The following KIF5B variants were observed in gnomAD, a reference collection of about 807,000 sequenced individuals.
KIF5B encodes kinesin family member 5B, also known as kinesin-1 heavy chain.
In KIF5B, 49 loss-of-function variants were observed where a neutral mutation model predicts 132.8. The observed-to-expected ratio is 0.37, with a 90% confidence interval of 0.29 to 0.47. The LOEUF (loss-of-function observed/expected upper bound fraction) is 0.47. Ranked by LOEUF, KIF5B falls within the 20% of genes least tolerant of loss-of-function variation. KIF5B has a pLI of 1.00. For missense variants in KIF5B, 780 were observed against 1,144.0 expected (o/e 0.68, Z 4.59); for synonymous variants, 355 against 369.4 (o/e 0.96, Z 0.45).
Position 32,056,222 on chromosome 10 carries a change from A to C in KIF5B, c.-249T>G. 1 of 472,346 alleles carries C rather than the reference A, an allele frequency of 2.1e-6. No individual in the cohort carries two copies. 29.3% of individuals were successfully genotyped at this position (472,346 alleles called of 1,614,324 possible). ...CCATGGCGGCGGCAGCGGCGGCGGC[A>C]CCGGGGAGAGCGTCCGCGGCTCCTC... On this transcript the variant is annotated 5_prime_UTR_variant, in exon 1 of 26. Coordinates refer to ENST00000302418, the MANE Select transcript of KIF5B (RefSeq NM_004521.3).
In KIF5B at chr10:32,009,907, G is replaced by A. The variant is rs1841051088; in HGVS notation, c.*1630C>T. Reference sequence around the variant, plus strand: ...AAGCAACACAATCATTTTAGAGGTTGCAGACTACAACAGCAAAGATTTTTG... The same window carrying A: ...AAGCAACACAATCATTTTAGAGGTTACAGACTACAACAGCAAAGATTTTTG... On this transcript the variant is annotated 3_prime_UTR_variant, in exon 26 of 26. Coordinates refer to ENST00000302418, the MANE Select transcript of KIF5B (RefSeq NM_004521.3). 1 of 151,826 alleles carries A rather than the reference G, an allele frequency of 6.6e-6. No homozygotes were observed. The highest frequency in any genetic ancestry group is 6.6e-5 in the Admixed American group (1 of 15,250). 9.4% of individuals were successfully genotyped at this position (151,826 alleles called of 1,614,324 possible). A position where few individuals can be genotyped will look rare whatever the true frequency, so the allele number is the denominator to read the frequency against.
intron 1 of KIF5B, among the ~76,000 whole-genome samples, chr10:32,055,256 C>T (rs185569988): frequency 6.6e-6 from 1 of 151,574 alleles, no homozygotes; most frequent in Non-Finnish European, 1.5e-5. Flanking sequence ...CATGAAAAGT[C>T]TTTCATCACT....
In KIF5B at chr10:32,035,580, A is replaced by T; in HGVS notation, c.904T>A (p.Cys302Ser). 6.2e-7 allele frequency: 1 copy of T among 1,613,412 alleles called. No individual in the cohort carries two copies. Among genetic ancestry groups the T allele is most frequent in the Non-Finnish European group, 8.5e-7 (1 of 1,179,506 alleles). The stretch of plus-strand genomic sequence containing the variant: ...GACTCATTGTATGATGATGGAGAGC[A>T]GCAAATTACAATAGTGGTTCTACAG... ...GNCRTTIVIC[C>S]SPSSYNESET... The change falls in exon 10 of 26, where the codon TGC becomes AGC. Residue 302 changes from cysteine to serine, a missense_variant. Transcript: ENST00000302418.
At chr10:32,050,679 C>G (rs920278299) in intron 1 of KIF5B, among the ~76,000 whole-genome samples, 1 of 152,206 alleles carries the variant, frequency 6.6e-6, no homozygotes, top group Admixed American at 6.5e-5. Context: ...ATACAAGAAG[C>G]TGATCTCACT....
intron 8 of KIF5B, among the ~76,000 whole-genome samples, chr10:32,036,998 C>T (rs1274117712): frequency 6.6e-6 from 1 of 152,134 alleles, no homozygotes; most frequent in Non-Finnish European, 1.5e-5. Flanking sequence ...TATGCTGAAC[C>T]AGTTCTCACT....
At chr10:32,017,653 A>G (rs1841194283) in intron 23 of KIF5B, among the ~76,000 whole-genome samples, 1 of 152,164 alleles carries the variant, frequency 6.6e-6, no homozygotes, top group African/African-American at 2.4e-5. Context: ...TCAGTAAGAC[A>G]ACTAATCTGG....
intron 13 of KIF5B, 113 bp from the exon 14 acceptor site, chr10:32,031,392 G>T: frequency 1.3e-6 from 1 of 753,336 alleles, no homozygotes; most frequent in South Asian, 1.7e-5. Flanking sequence ...ATGGTATTCA[G>T]TGTGGCAACA....
Position 32,035,578 on chromosome 10 carries a change from G to T in KIF5B, c.906C>A (p.Cys302Ter). Residue 302 changes from cysteine to a stop codon, truncating the protein, a stop_gained, in exon 10 of 26, where the codon TGC (cysteine) becomes TGA (stop). Coordinates refer to ENST00000302418, the MANE Select transcript of KIF5B (RefSeq NM_004521.3). LOFTEE classifies it high-confidence loss of function. ...GNCRTTIVICCSPSSYNESET... is the reference protein window; with the variant it reads ...GNCRTTIVIC ...CAGACTCATTGTATGATGATGGAGAGCAGCAAATTACAATAGTGGTTCTAC... is the reference window on the plus strand; with the variant it reads ...CAGACTCATTGTATGATGATGGAGATCAGCAAATTACAATAGTGGTTCTAC... 1 of 1,613,156 alleles carries T rather than the reference G, an allele frequency of 6.2e-7. No homozygotes were observed. Among genetic ancestry groups the T allele is most frequent in the Non-Finnish European group, 8.5e-7 (1 of 1,179,346 alleles).
intron 1 of KIF5B, among the ~76,000 whole-genome samples, chr10:32,049,745 T>C (rs1224138746): frequency 6.7e-6 from 1 of 149,644 alleles, no homozygotes; most frequent in Non-Finnish European, 1.5e-5. Flanking sequence ...AAAAAAAAAA[T>C]CAGTGGTGTC....
intron 15 of KIF5B, among the ~76,000 whole-genome samples, chr10:32,027,485 TTA>T (rs33922689): frequency 0.27 from 29,650 of 109,332 alleles, 3,192 homozygotes; most frequent in East Asian, 0.47. Flanking sequence ...CTCTCTACTA[TTA>T]TATGTTTGAA....
At chr10:32,032,243 A>G (rs1841412123) in intron 13 of KIF5B, among the ~76,000 whole-genome samples, 1 of 152,178 alleles carries the variant, frequency 6.6e-6, no homozygotes, top group African/African-American at 2.4e-5. Flanking sequence ...CAAAATATCA[A>G]TAGTGCCCCT....
chr10:32,024,819 G>A (rs113964264), intron 15 of KIF5B, among the ~76,000 whole-genome samples: 41 of 151,760 alleles, frequency 2.7e-4, no homozygotes, highest in African/African-American at 9.0e-4. Context: ...GCTCATGCCT[G>A]TAGTACCAGC....
Position 32,040,531 on chromosome 10 carries a change from G to C in KIF5B, c.215-74C>G, listed in dbSNP as rs903666162. ...TTCCTAAGAAATTACTTAAACTACA[G>C]GATGACAGGGTAGAGAAAAGGTTAA... On this transcript the variant is annotated intron_variant, in intron 2 of 25. Transcript: ENST00000302418. 9.7e-6 allele frequency: 8 copies of C among 821,374 alleles called. No homozygotes were observed. The African/African-American group carries it at 1.2e-4, about 12-fold the overall frequency. The allele number at this position is 821,374 out of a possible 1,614,324, so 50.9% of individuals were successfully genotyped here.
intron 23 of KIF5B, 30 bp downstream of exon 23, chr10:32,018,022 G>A (rs1487362126): frequency 8.0e-6 from 10 of 1,251,174 alleles, no homozygotes; most frequent in Non-Finnish European, 1.1e-5. Flanking sequence ...TTACTATCTT[G>A]CAGCTACCAG....
intron 20 of KIF5B, among the ~76,000 whole-genome samples, chr10:32,019,621 T>G (rs1841230879): frequency 6.6e-6 from 1 of 152,192 alleles, no homozygotes; most frequent in Non-Finnish European, 1.5e-5. Context: ...GCAAGCAGAT[T>G]AATAAAGAGA....
intron 14 of KIF5B, 82 bp from the exon 15 acceptor site, chr10:32,028,653 T>C (rs1841362620): frequency 8.3e-7 from 1 of 1,200,582 alleles, no homozygotes; most frequent in African/African-American, 1.5e-5. Context: ...TTTCAAGTTT[T>C]ACACCAAGCC....
rs1390679716 is a variant in KIF5B at position 32,038,208 on chromosome 10, G to A, written c.453C>T (p.Thr151=). The A allele has an allele frequency of 6.2e-7, 1 of 1,606,840 alleles. No homozygotes were observed. Among genetic ancestry groups the A allele is most frequent in the Admixed American group, 1.7e-5 (1 of 59,804 alleles). The change falls in exon 6 of 26, where the codon ACC becomes ACT. Residue 151 remains threonine (T), a synonymous_variant. Transcript: ENST00000302418. The part of the protein sequence containing the change: ...KIRDLLDVSK[T]NLSVHEDKNR... ...TTTTGTCTTCATGAACTGAAAGGTTGGTCTTTGAAACTGAGAAAGAAAAAC... is the reference window on the plus strand; with the variant it reads ...TTTTGTCTTCATGAACTGAAAGGTTAGTCTTTGAAACTGAGAAAGAAAAAC...
At chr10:32,051,601 T>C (rs2132618477) in intron 1 of KIF5B, among the ~76,000 whole-genome samples, 2 of 152,274 alleles carry the variant, frequency 1.3e-5, no homozygotes, top group Non-Finnish European at 2.9e-5. Flanking sequence ...ATAAAAATAA[T>C]TGAGACTGGA....
intron 1 of KIF5B, among the ~76,000 whole-genome samples, chr10:32,050,187 A>G (rs211293): frequency 0.1 from 15,148 of 152,076 alleles, 857 homozygotes; most frequent in Non-Finnish European, 0.12. Context: ...AAGACCTACT[A>G]CCCTCCACAT....
Sources: gnomAD v4.1 joint callset for allele counts (sites outside exome capture counted in the v4.1 genomes callset) on GRCh38, gnomAD v4.1.1 for gene constraint, MANE v1.5 for transcripts, NCBI Gene and HGNC (gene_info 2026-07-23, HGNC 2026-07-21) for gene names.